PER2: variants seen among roughly 807,000 people sequenced by gnomAD.
The protein encoded by PER2 is period circadian protein homolog 2.
In PER2, 66 loss-of-function variants were observed where a neutral mutation model predicts 121.0. The observed-to-expected ratio is 0.55, with a 90% CI of 0.45 to 0.67. The LOEUF (loss-of-function observed/expected upper bound fraction) is 0.67, where lower values mean the gene tolerates loss of function less well. Ranked by LOEUF, PER2 falls within the 30% of genes least tolerant of loss-of-function variation. The pLI is 0.00. For missense variants in PER2, 1,521 were observed against 1,635.0 expected, an observed-to-expected ratio of 0.93 and a Z score of 1.20; for synonymous variants, 684 against 659.9, an observed-to-expected ratio of 1.04 and a Z score of -0.56.
At chr2:238,248,973 A>G in intron 22 of PER2, 89 bp downstream of exon 22, 1 of 1,424,932 alleles carries the variant, frequency 7.0e-7, no homozygotes, top group Non-Finnish European at 9.9e-7. Flanking sequence ...GAAGTTTTAA[A>G]TTGACAGAAA....
At chr2:238,276,540 G>A (rs576566930) in intron 3 of PER2, among the ~76,000 whole-genome samples, 1 of 152,338 alleles carries the variant, frequency 6.6e-6, no homozygotes, top group South Asian at 2.1e-4. Context: ...TGGGATTACA[G>A]AGGACAGCAA....
intron 22 of PER2, 83 bp downstream of exon 22, chr2:238,248,979 A>G: frequency 6.9e-7 from 1 of 1,446,492 alleles, no homozygotes; most frequent in Non-Finnish European, 9.7e-7. Flanking sequence ...TTAAATTGAC[A>G]GAAAAGTTGC....
At chr2:238,261,896 G>A in intron 11 of PER2, 59 bp from the exon 12 acceptor site, 1 of 1,201,028 alleles carries the variant, frequency 8.3e-7, no homozygotes, top group Non-Finnish European at 1.2e-6. Context: ...TCTCTGGCGT[G>A]ACTGTATAGC....
chr2:238,265,435 C>T (rs1696062390), intron 9 of PER2, 77 bp downstream of exon 9: 1 of 858,622 alleles, frequency 1.2e-6, no homozygotes, highest in African/African-American at 1.7e-5. Flanking sequence ...ATTATAAAAC[C>T]AAGATGCAGT....
intron 3 of PER2, among the ~76,000 whole-genome samples, chr2:238,276,322 G>A (rs907559897): frequency 6.6e-6 from 1 of 152,234 alleles, no homozygotes; most frequent in Non-Finnish European, 1.5e-5. Flanking sequence ...GATGTTTCTC[G>A]CTGGGAGACA....
At position 238,253,167 on chromosome 2, in the gene PER2, C is replaced by T; in HGVS notation, c.2856G>A (p.Arg952=). The T allele has an allele frequency of 6.3e-7, 1 of 1,594,786 alleles. No homozygotes were observed. The change falls in exon 19 of 23, where the codon CGG becomes CGA. Residue 952 remains arginine, a synonymous_variant. Transcript: ENST00000254657. This position sits in a 1 kb window ranked among gnomAD's most constrained non-coding sequence, Gnocchi z 5.6. ...CACATGGCTGTCTGGGGATCGAGGT[C>T]CGGCTGGGGAACTCAGGCTGTGAGG... ...ASASQPEFPS[R]TSIPRQPCAC...
intron 22 of PER2, among the ~76,000 whole-genome samples, chr2:238,248,804 C>T (rs1180820325): frequency 3.3e-5 from 5 of 152,026 alleles, no homozygotes; most frequent in South Asian, 2.1e-4. Flanking sequence ...TACAGGCGCC[C>T]GCCACCACGC....
chr2:238,268,832 G>C lies in PER2; in HGVS notation c.824+91C>G. The C allele has an allele frequency of 1.1e-6, 1 of 922,180 alleles. No individual in the cohort carries two copies. The highest frequency in any genetic ancestry group is 1.7e-5 in the Admixed American group (1 of 57,162). 57.1% of individuals were successfully genotyped at this position (922,180 alleles called of 1,614,324 possible). On this transcript the variant is annotated intron_variant, in intron 7 of 22. Coordinates refer to ENST00000254657, the MANE Select transcript of PER2 (RefSeq NM_022817.3). This position sits in a 1 kb window ranked among gnomAD's most constrained non-coding sequence, Gnocchi z 4.0. ...CAGGCGTGCTGAGTCCCTGCAGGCA[G>C]GGATCACGCCCCCCAGCCTCAAGCG...
chr2:238,274,897 T>C (rs1696405128), intron 4 of PER2, among the ~76,000 whole-genome samples: 2 of 151,426 alleles, frequency 1.3e-5, no homozygotes, highest in Non-Finnish European at 2.9e-5. Context: ...AATGCAAGAG[T>C]CCAAGCTAGC....
At position 238,258,785 on chromosome 2, in the gene PER2, C is replaced by G. The variant is rs1044913258; in HGVS notation, c.1628-141G>C. The G allele has an allele frequency of 4.9e-5, 43 of 870,470 alleles. No homozygotes were observed. The African/African-American group carries it at 6.8e-4, about 14-fold the overall frequency. The allele number at this position is 870,470 out of a possible 1,614,324, so 53.9% of individuals were successfully genotyped here. A position where few individuals can be genotyped will look rare whatever the true frequency, so the allele number is the denominator to read the frequency against. On this transcript the variant is annotated intron_variant, in intron 14 of 22. Transcript: ENST00000254657. The stretch of plus-strand genomic sequence containing the variant: ...CATGAGTATGGAAGCCTGGGGACAG[C>G]CTGGCATCTGGCAGCCCTGTGGGCA...
chr2:238,273,333 T>A, intron 4 of PER2, 142 bp from the exon 5 acceptor site: 1 of 876,224 alleles, frequency 1.1e-6, no homozygotes, highest in Non-Finnish European at 1.8e-6. Flanking sequence ...ACACAGAACA[T>A]ACGGAAACGT....
At chr2:238,285,301 C>T (rs1392484145) in intron 1 of PER2, among the ~76,000 whole-genome samples, 1 of 151,848 alleles carries the variant, frequency 6.6e-6, no homozygotes, top group Non-Finnish European at 1.5e-5. Flanking sequence ...TGCAGTCCAC[C>T]ACAAGAACAG....
chr2:238,246,457 G>A lies in PER2; in HGVS notation c.3686C>T (p.Ser1229Phe), dbSNP rs138350815. 6.1e-5 allele frequency: 97 copies of A among 1,601,900 alleles called. No homozygotes were observed. Among genetic ancestry groups the A allele is most frequent in the Non-Finnish European group, 7.3e-5 (85 of 1,169,012 alleles). The stretch of plus-strand genomic sequence containing the variant: ...GTCCGACACTTCGCTGAGTCCCAGA[G>A]AAGGAATATCTTCCTCATATGGTAT... ...ICIPYEEDIP[S>F]LGLSEVSDTK... The change falls in exon 23 of 23, where the codon TCT becomes TTT. Residue 1229 changes from serine to phenylalanine, a missense_variant. By Grantham distance (155) the Ser-to-Phe change is radical. Coordinates refer to ENST00000254657, the MANE Select transcript of PER2 (RefSeq NM_022817.3).
chr2:238,285,678 C>T (rs1696760999), intron 1 of PER2, among the ~76,000 whole-genome samples: 1 of 152,148 alleles, frequency 6.6e-6, no homozygotes, highest in African/African-American at 2.4e-5. Context: ...CACATGTCAC[C>T]AGAGGCAGGA....
At chr2:238,267,789 G>T (rs1439474000) in intron 8 of PER2, among the ~76,000 whole-genome samples, 1 of 152,182 alleles carries the variant, frequency 6.6e-6, no homozygotes, top group African/African-American at 2.4e-5. Context: ...GCCAGGGAAA[G>T]GGGAGAAGGG....
chr2:238,251,515 GCA>G (rs1695598428), intron 20 of PER2, 82 bp downstream of exon 20: 1 of 1,291,620 alleles, frequency 7.7e-7, no homozygotes, highest in Non-Finnish European at 1.1e-6. Flanking sequence ...CCTGTTCTGA[GCA>G]CAGAGGCCGG....
chr2:238,255,673 C>G lies in PER2; in HGVS notation c.2304G>C (p.Gly768=), dbSNP rs746712355. Residue 768 remains glycine (G), a synonymous_variant, in exon 18 of 23, where the codon GGG becomes GGC. Coordinates refer to ENST00000254657, the MANE Select transcript of PER2 (RefSeq NM_022817.3). ...ATCACTTACTTCGTTCACTTGGCTGCCCCTTGGATCTTTCTTGCAAGTAGT... is the reference window on the plus strand; with the variant it reads ...ATCACTTACTTCGTTCACTTGGCTGGCCCTTGGATCTTTCTTGCAAGTAGT... ...CHYYLQERSK[G]QPSERTAPGL... is the part of the protein sequence containing the mutation. 1.2e-6 allele frequency: 2 copies of G among 1,614,116 alleles called. No individual in the cohort carries two copies. The highest frequency in any genetic ancestry group is 2.2e-5 in the East Asian group (1 of 44,902).
chr2:238,261,551 T>TA, intron 12 of PER2, 178 bp downstream of exon 12: 1 of 650,346 alleles, frequency 1.5e-6, no homozygotes. Context: ...CCAAGGGTAC[T>TA]ATGGACTGTC....
At chr2:238,260,761 T>C (rs1321717931) in intron 13 of PER2, 67 bp downstream of exon 13, 3 of 1,579,946 alleles carry the variant, frequency 1.9e-6, no homozygotes, top group Admixed American at 3.3e-5. Flanking sequence ...TTGTCTTGAG[T>C]GTGCTTTTTA....
Sources: allele counts gnomAD v4.1 joint callset (sites outside exome capture counted in the v4.1 genomes callset), GRCh38; gene constraint gnomAD v4.1.1; non-coding constraint Gnocchi (gnomAD v3.1); transcripts MANE v1.5; gene names NCBI Gene and HGNC (gene_info 2026-07-23, HGNC 2026-07-21).